Variants in CMTM8 observed in about 807,000 individuals in gnomAD.
CMTM8 encodes CKLF like MARVEL transmembrane domain containing 8, also known as CKLF-like MARVEL transmembrane domain-containing protein 8.
A neutral mutation model predicts 18.6 loss-of-function variants in CMTM8; 12 were observed. That is an observed-to-expected ratio of 0.65 (90% CI 0.41 to 1.05). The LOEUF (loss-of-function observed/expected upper bound fraction) is 1.05, where lower values mean the gene tolerates loss of function less well. Among genes scored for constraint, CMTM8 ranks in the 50% least tolerant of loss-of-function variants. CMTM8 has a pLI of 0.00. For synonymous variants in CMTM8, 87 were observed against 90.6 expected, an observed-to-expected ratio of 0.96 and a Z score of 0.23; for missense variants, 217 against 227.2, an observed-to-expected ratio of 0.95 and a Z score of 0.29.
At chr3:32,269,916 T>C (rs1378688312) in intron 1 of CMTM8, among the ~76,000 whole-genome samples, 1 of 151,792 alleles carries the variant, frequency 6.6e-6, no homozygotes, top group Non-Finnish European at 1.5e-5. Context: ...TAGCTAGGAC[T>C]ACAGGCTTGC....
chr3:32,293,231 G>A (rs1249115105), intron 1 of CMTM8, among the ~76,000 whole-genome samples: 1 of 152,024 alleles, frequency 6.6e-6, no homozygotes, highest in Admixed American at 6.6e-5. Flanking sequence ...GGTTAATTGG[G>A]TACTTGTTTC....
At chr3:32,311,752 C>G (rs1376642389) in intron 1 of CMTM8, among the ~76,000 whole-genome samples, 1 of 152,224 alleles carries the variant, frequency 6.6e-6, no homozygotes, top group Non-Finnish European at 1.5e-5. Context: ...AATTCTGACA[C>G]TAACTGGAGT....
At chr3:32,311,548 G>A (rs1215016534) in intron 1 of CMTM8, among the ~76,000 whole-genome samples, 1 of 152,142 alleles carries the variant, frequency 6.6e-6, no homozygotes, top group Non-Finnish European at 1.5e-5. Context: ...ACTATATCAG[G>A]CTCATCTCGT....
At chr3:32,318,055 C>CAAAAAAAAAAAAAAAAAAAAAAAAAAAA (rs60403582) in intron 1 of CMTM8, among the ~76,000 whole-genome samples, 2 of 85,804 alleles carry the variant, frequency 2.3e-5, no homozygotes, top group Non-Finnish European at 2.4e-5. Flanking sequence ...AACTCTGTCT[C>CAAAAAAAAAAAAAAAAAAAAAAAAAAAA]AAAAAAAAAA....
intron 1 of CMTM8, among the ~76,000 whole-genome samples, chr3:32,334,946 T>C (rs1347354908): frequency 6.6e-6 from 1 of 151,926 alleles, no homozygotes; most frequent in Non-Finnish European, 1.5e-5. Flanking sequence ...GGTCTCCTGC[T>C]CTCTTGCTAC....
chr3:32,345,262 G>A (rs948343179), intron 1 of CMTM8, among the ~76,000 whole-genome samples: 1 of 152,086 alleles, frequency 6.6e-6, no homozygotes, highest in Non-Finnish European at 1.5e-5. Context: ...GGCTAAGGTA[G>A]GAAGATCACC....
chr3:32,324,312 C>A (rs1696115306), intron 1 of CMTM8, among the ~76,000 whole-genome samples: 1 of 152,092 alleles, frequency 6.6e-6, no homozygotes, highest in Non-Finnish European at 1.5e-5. Flanking sequence ...CTGGTGAGTT[C>A]AGAAAATCTG....
intron 3 of CMTM8, 104 bp downstream of exon 3, chr3:32,368,092 T>A: frequency 1.3e-6 from 1 of 787,684 alleles, no homozygotes; most frequent in Non-Finnish European, 2.2e-6. Context: ...GCGCTTGCAG[T>A]AGTGACAAAT....
At position 32,342,184 on chromosome 3, in the gene CMTM8, G is replaced by A. The variant is rs572534522; in HGVS notation, c.148-15189G>A. Among the ~76,000 whole-genome samples the A allele has an allele frequency of 2.0e-4, 30 of 152,284 alleles. No individual in the cohort carries two copies. The South Asian group carries it at 5.0e-3, about 25-fold the overall frequency. On this transcript the variant is annotated intron_variant, in intron 1 of 3. Transcript: ENST00000307526. ...AATCGCTTGAACCCAGGAGGCGGAG[G>A]TTGCAGTGAGCCAAGATCGCACCAC...
At chr3:32,324,257 C>T (rs1696113845) in intron 1 of CMTM8, among the ~76,000 whole-genome samples, 1 of 150,468 alleles carries the variant, frequency 6.6e-6, no homozygotes, top group African/African-American at 2.5e-5. Flanking sequence ...AAGTCGTATG[C>T]TTATAACATT....
chr3:32,265,722 A>G (rs536003812), intron 1 of CMTM8, among the ~76,000 whole-genome samples: 6 of 152,350 alleles, frequency 3.9e-5, no homozygotes, highest in African/African-American at 1.4e-4. Context: ...CTAATAAAGA[A>G]AAAAAGAGAG....
intron 1 of CMTM8, among the ~76,000 whole-genome samples, chr3:32,315,968 G>C (rs1575173122): frequency 7.3e-6 from 1 of 137,312 alleles, no homozygotes; most frequent in Non-Finnish European, 1.6e-5. Context: ...AGTTATAAAA[G>C]AAAATTACCA....
intron 1 of CMTM8, among the ~76,000 whole-genome samples, chr3:32,317,450 A>G (rs114425301): frequency 3.4e-4 from 52 of 152,306 alleles, no homozygotes; most frequent in African/African-American, 1.1e-3. Context: ...GAAGGAGGTA[A>G]ATGGTCATAA....
intron 1 of CMTM8, among the ~76,000 whole-genome samples, chr3:32,312,922 ACAAAAG>A (rs989021481): frequency 6.6e-6 from 1 of 152,058 alleles, no homozygotes; most frequent in African/African-American, 2.4e-5. Context: ...GGAACCAAGG[ACAAAAG>A]ACCAAATCTT....
intron 1 of CMTM8, among the ~76,000 whole-genome samples, chr3:32,278,496 C>T (rs925815746): frequency 3.9e-5 from 6 of 152,120 alleles, no homozygotes; most frequent in Admixed American, 3.9e-4. Flanking sequence ...ATGTTACCTG[C>T]TTGGTCCCTG....
chr3:32,307,744 G>A (rs1216214112), intron 1 of CMTM8, among the ~76,000 whole-genome samples: 2 of 152,112 alleles, frequency 1.3e-5, no homozygotes, highest in African/African-American at 2.4e-5. Context: ...TTGTTAAATC[G>A]GAGCTCCCCA....
chr3:32,349,872 G>C (rs146027290), intron 1 of CMTM8, among the ~76,000 whole-genome samples: 45 of 152,256 alleles, frequency 3.0e-4, no homozygotes, highest in African/African-American at 1.1e-3. Flanking sequence ...GCTGGGTGTG[G>C]TGGCGCACGC....
intron 1 of CMTM8, among the ~76,000 whole-genome samples, chr3:32,304,416 A>G (rs1695683641): frequency 1.3e-5 from 2 of 152,228 alleles, no homozygotes; most frequent in Non-Finnish European, 2.9e-5. Flanking sequence ...CATGGGGGAA[A>G]GGAAAAGTAT....
intron 1 of CMTM8, among the ~76,000 whole-genome samples, chr3:32,306,689 G>A (rs1487595400): frequency 2.0e-5 from 3 of 152,244 alleles, no homozygotes; most frequent in Non-Finnish European, 2.9e-5. Context: ...AGGAACAGCA[G>A]AAGATGAGAC....
Sources: allele counts gnomAD v4.1 joint callset (sites outside exome capture counted in the v4.1 genomes callset), GRCh38; gene constraint gnomAD v4.1.1; transcripts MANE v1.5; gene names NCBI Gene and HGNC (gene_info 2026-07-23, HGNC 2026-07-21).